GBA1: variants seen among roughly 807,000 people sequenced by gnomAD.
GBA1 encodes lysosomal acid glucosylceramidase.
chr1:155,236,120 C>T, the GBA1 span: 1 of 880,472 alleles, frequency 1.1e-6, no homozygotes, highest in Admixed American at 2.0e-5. Flanking sequence ...CATGGTTCCC[C>T]AGAGTTGCTC....
At chr1:155,244,127 C>G in the GBA1 span, 11 of 152,422 alleles carry the variant, frequency 7.2e-5, no homozygotes, top group African/African-American at 2.6e-4. Context: ...TGGCCGGGCG[C>G]GGTGGCTCAC....
the GBA1 span, chr1:155,236,443 T>C: frequency 1.2e-6 from 2 of 1,614,020 alleles, no homozygotes; most frequent in Admixed American, 1.7e-5. Flanking sequence ...CATGAACATA[T>C]TTAGCTGCTT....
At chr1:155,241,658 A>G in the GBA1 span, among the ~76,000 whole-genome samples, 2 of 152,206 alleles carry the variant, frequency 1.3e-5, no homozygotes, top group Non-Finnish European at 1.5e-5. Context: ...ATATTTACAG[A>G]TAAAGACAGA....
the GBA1 span, chr1:155,238,674 A>G: frequency 1.2e-6 from 2 of 1,613,546 alleles, no homozygotes; most frequent in Admixed American, 1.7e-5. Context: ...TGATCAAGAT[A>G]TGGTAGTCCG....
the GBA1 span, chr1:155,239,797 C>T: frequency 6.2e-7 from 1 of 1,614,034 alleles, no homozygotes; most frequent in Admixed American, 1.7e-5. Flanking sequence ...GGTATCAGTA[C>T]CCAGCGGGAA....
chr1:155,242,705 G>A, the GBA1 span, among the ~76,000 whole-genome samples: 1 of 148,532 alleles, frequency 6.7e-6, no homozygotes, highest in African/African-American at 2.5e-5. Flanking sequence ...CAATTGCCCT[G>A]CCTCAGCCTC....
the GBA1 span, chr1:155,238,184 C>T: frequency 1.2e-6 from 2 of 1,614,064 alleles, no homozygotes; most frequent in Non-Finnish European, 1.7e-6. Context: ...CGGGCTGTCC[C>T]TTGAGTGACC....
chr1:155,239,658 G>A, the GBA1 span: 1 of 1,614,196 alleles, frequency 6.2e-7, no homozygotes, highest in Non-Finnish European at 8.5e-7. Context: ...TTTTGGGCAG[G>A]GGGTGACAGG....
chr1:155,241,134 A>C, the GBA1 span: 1 of 1,613,146 alleles, frequency 6.2e-7, no homozygotes, highest in Non-Finnish European at 8.5e-7. Context: ...CATTAGATGA[A>C]GAGAAGACCA....
At chr1:155,235,331 G>A in the GBA1 span, 2 of 1,607,666 alleles carry the variant, frequency 1.2e-6, no homozygotes, top group East Asian at 2.2e-5. Flanking sequence ...GGAACAGATG[G>A]TCAGAGTCCC....
chr1:155,237,494 T>A, the GBA1 span: 4 of 1,613,948 alleles, frequency 2.5e-6, no homozygotes, highest in East Asian at 4.5e-5. Context: ...GGAAGGGGTA[T>A]CCACTCAACA....
chr1:155,237,946 A>T, the GBA1 span: 24 of 693,334 alleles, frequency 3.5e-5, no homozygotes, highest in South Asian at 3.3e-4. Context: ...AGTGGGCCAG[A>T]CCGAGAGAAC....
the GBA1 span, chr1:155,235,215 A>G: frequency 1.9e-6 from 3 of 1,613,322 alleles, no homozygotes; most frequent in African/African-American, 4.0e-5. Context: ...CGACCACAAC[A>G]GCAGAGCCAT....
the GBA1 span, chr1:155,241,372 C>T: frequency 3.5e-6 from 2 of 578,186 alleles, no homozygotes; most frequent in Middle Eastern, 4.6e-4. Flanking sequence ...AGATTATATG[C>T]CCTATAAAAC....
the GBA1 span, chr1:155,238,375 C>T: frequency 3.0e-5 from 45 of 1,515,036 alleles, no homozygotes; most frequent in African/African-American, 3.9e-4. Context: ...CCAGTGCATC[C>T]GGTTCAGCCA....
chr1:155,244,360 A>T, the GBA1 span: 1 of 152,168 alleles, frequency 6.6e-6, no homozygotes, highest in Non-Finnish European at 1.5e-5. Flanking sequence ...AGAAGGCGCC[A>T]TTACACTCCA....
chr1:155,241,186 C>T, the GBA1 span: 2 of 1,465,786 alleles, frequency 1.4e-6, no homozygotes, highest in East Asian at 4.5e-5. Flanking sequence ...ATCCACTAAA[C>T]AAAAACAAGG....
the GBA1 span, chr1:155,240,799 T>G: frequency 8.0e-7 from 1 of 1,247,688 alleles, no homozygotes; most frequent in Non-Finnish European, 1.2e-6. Flanking sequence ...TTAGCTGCCT[T>G]TGGGTGCCCA....
At chr1:155,239,568 A>G in the GBA1 span, 4 of 1,609,780 alleles carry the variant, frequency 2.5e-6, no homozygotes, top group Non-Finnish European at 3.4e-6. Flanking sequence ...GAAAAGAAAA[A>G]CGAAAAGTTT....
Sources: allele counts gnomAD v4.1 joint callset (sites outside exome capture counted in the v4.1 genomes callset), GRCh38; gene constraint gnomAD v4.1.1; transcripts MANE v1.5; gene names NCBI Gene and HGNC (gene_info 2026-07-23, HGNC 2026-07-21).